The following DRC1 variants were observed in gnomAD, a reference collection of about 807,000 sequenced individuals.
DRC1 encodes the protein dynein regulatory complex subunit 1, also known as dynein regulatory complex protein 1.
DRC1 carries 74 observed loss-of-function variants against 98.7 expected under a neutral mutation model. That is an observed-to-expected ratio of 0.75 (90% CI 0.62 to 0.91). DRC1 has a LOEUF of 0.91. Ranked by LOEUF, DRC1 falls within the 40% of genes least tolerant of loss-of-function variation. The pLI is 0.00. For synonymous variants in DRC1, 336 were observed against 334.1 expected, an observed-to-expected ratio of 1.01 and a Z score of -0.06; for missense variants, 875 against 886.0, an observed-to-expected ratio of 0.99 and a Z score of 0.16.
rs770767721 is a variant in DRC1, at chr2:26,453,551, T to A, written c.1919+2T>A. 1 of 1,612,400 alleles carries A rather than the reference T, an allele frequency of 6.2e-7. No homozygotes were observed. The highest frequency in any genetic ancestry group is 2.2e-5 in the East Asian group (1 of 44,862). The stretch of plus-strand genomic sequence containing the variant: ...CGTCATGGGTCTGAAGAAGCCTAGG[T>A]GGGCTGCGGGGCTGGAAGGCTTGCC... On this transcript the variant is annotated splice_donor_variant, in intron 14 of 16. Transcript: ENST00000288710. LOFTEE classifies it high-confidence loss of function.
chr2:26,440,068 A>G (rs1663677392), intron 7 of DRC1, among the ~76,000 whole-genome samples: 1 of 150,602 alleles, frequency 6.6e-6, no homozygotes, highest in Non-Finnish European at 1.5e-5. Context: ...AATGTAGGAA[A>G]GTTTCTTTTT....
chr2:26,436,962 T>C (rs957871297), intron 7 of DRC1, among the ~76,000 whole-genome samples: 4 of 152,170 alleles, frequency 2.6e-5, no homozygotes, highest in Non-Finnish European at 4.4e-5. Context: ...TGCTCATACG[T>C]TCTCAGATGG....
chr2:26,418,595 T>TA (rs1678908471), intron 2 of DRC1, among the ~76,000 whole-genome samples: 2 of 100,028 alleles, frequency 2.0e-5, no homozygotes, highest in African/African-American at 9.7e-5. Context: ...TTATATATAA[T>TA]TTATATAATA....
intron 7 of DRC1, among the ~76,000 whole-genome samples, chr2:26,435,927 A>G (rs1663559403): frequency 6.6e-6 from 1 of 152,158 alleles, no homozygotes; most frequent in Non-Finnish European, 1.5e-5. Context: ...ATATGCATGC[A>G]TGTGTCTTTG....
chr2:26,403,596 A>C (rs1678321665), intron 1 of DRC1, among the ~76,000 whole-genome samples: 1 of 152,058 alleles, frequency 6.6e-6, no homozygotes, highest in Non-Finnish European at 1.5e-5. Flanking sequence ...GGAGTTCAAG[A>C]CCAGCCTGGC....
In DRC1 at chr2:26,453,308, A is replaced by G; in HGVS notation, c.1690-12A>G. ...GTCCCCAGCCCACAGTTGTCCGTGC[A>G]TCTTTCTCCAGATCAAGCCCTGCAG... is the stretch of plus-strand genomic sequence containing the variant. On this transcript the variant is annotated splice_polypyrimidine_tract_variant and intron_variant, in intron 13 of 16. Coordinates refer to ENST00000288710, the MANE Select transcript of DRC1 (RefSeq NM_145038.5). 1 of 1,614,038 alleles carries G rather than the reference A, an allele frequency of 6.2e-7. No individual in the cohort carries two copies. The highest frequency in any genetic ancestry group is 8.5e-7 in the Non-Finnish European group (1 of 1,179,986).
In DRC1 at chr2:26,431,984, T is replaced by C. The variant is rs948289393; in HGVS notation, c.866T>C (p.Ile289Thr). ...TGCGAAGAATACAACATGATCAAGA[T>C]CAAGCTGGAGCAGGATGTGCAGGTG... is the stretch of plus-strand genomic sequence containing the variant. ...WDCEEYNMIKIKLEQDVQILE... is the reference protein window; with the variant it reads ...WDCEEYNMIKTKLEQDVQILE... Residue 289 changes from isoleucine to threonine, a missense_variant, in exon 7 of 17, where the codon ATC (isoleucine) becomes ACC (threonine). Coordinates refer to ENST00000288710, the MANE Select transcript of DRC1 (RefSeq NM_145038.5). 9.3e-6 allele frequency: 15 copies of C among 1,613,998 alleles called. No individual in the cohort carries two copies. Among genetic ancestry groups the C allele is most frequent in the Admixed American group, 5.0e-5 (3 of 59,990 alleles).
At position 26,415,579 on chromosome 2, in the gene DRC1, C is replaced by T. The variant is rs552045774; in HGVS notation, c.243+1148C>T. Among the ~76,000 whole-genome samples, 6 of 152,282 alleles carry T rather than the reference C, an allele frequency of 3.9e-5. No homozygotes were observed. In the East Asian group the frequency reaches 1.2e-3, roughly 29 times the overall value. ...GTGGGTTTTTGTTCCTGATCTCTTA[C>T]CTACTGCAGAGTAGATGATTCATGT... On this transcript the variant is annotated intron_variant, in intron 2 of 16. Transcript: ENST00000288710.
rs373951532 is a variant in DRC1 at position 26,455,242 on chromosome 2, C to T, written c.2166+9C>T. On this transcript the variant is annotated intron_variant, in intron 16 of 16. Coordinates refer to ENST00000288710, the MANE Select transcript of DRC1 (RefSeq NM_145038.5). ...AGTATCTGAACTCCAAGGTGGGCGG[C>T]GGGGCCTTCCAAGGAGGGGCAGCGG... 246 of 1,608,746 alleles carry T rather than the reference C, an allele frequency of 1.5e-4. No homozygotes were observed. The highest frequency in any genetic ancestry group is 3.8e-4 in the Middle Eastern group (2 of 5,282).
In DRC1 at chr2:26,453,420, A is replaced by C. The variant is rs747479532; in HGVS notation, c.1790A>C (p.Glu597Ala). 6.2e-7 allele frequency: 1 copy of C among 1,614,110 alleles called. No homozygotes were observed. The highest frequency in any genetic ancestry group is 1.7e-5 in the Admixed American group (1 of 59,994). ...ELAEQTEMEG[E>A]KEESLVEGEK... ...GCAGAGCAGACGGAGATGGAGGGAG[A>C]AAAGGAAGAAAGCCTGGTGGAAGGG... Residue 597 changes from glutamate to alanine, a missense_variant, in exon 14 of 17, where the codon GAA (glutamate) becomes GCA (alanine). Physicochemically the swap from Glu to Ala is moderately radical, Grantham distance 107. Transcript: ENST00000288710.
intron 4 of DRC1, among the ~76,000 whole-genome samples, chr2:26,429,114 C>T (rs1373762565): frequency 6.6e-6 from 1 of 152,034 alleles, no homozygotes; most frequent in Non-Finnish European, 1.5e-5. Context: ...AGAGTCCATT[C>T]CACTCCATCT....
chr2:26,420,443 A>C (rs369798647), intron 2 of DRC1, among the ~76,000 whole-genome samples: 2 of 152,098 alleles, frequency 1.3e-5, no homozygotes, highest in African/African-American at 2.4e-5. Flanking sequence ...CACCTCCCCA[A>C]CTGAGGTTCT....
chr2:26,449,971 G>T, intron 11 of DRC1, 25 bp from the exon 12 acceptor site: 1 of 1,610,674 alleles, frequency 6.2e-7, no homozygotes. Flanking sequence ...TCCCCGACAG[G>T]AGATGCCTTC....
At chr2:26,413,497 A>G (rs1411291563) in intron 1 of DRC1, among the ~76,000 whole-genome samples, 1 of 152,216 alleles carries the variant, frequency 6.6e-6, no homozygotes, top group Non-Finnish European at 1.5e-5. Context: ...CCCACCTGAT[A>G]CTGTCAACCC....
rs1214850546 is a variant in DRC1, at chr2:26,444,900, C to T, written c.1348C>T (p.Pro450Ser). 6.2e-7 allele frequency: 1 copy of T among 1,614,164 alleles called. No individual in the cohort carries two copies. The highest frequency in any genetic ancestry group is 8.5e-7 in the Non-Finnish European group (1 of 1,180,036). ...CAATGTTGGGCCTATTTCTCAGCAGCCCCAGAAGTCCGCCACACAGATAGT... is the reference window on the plus strand; with the variant it reads ...CAATGTTGGGCCTATTTCTCAGCAGTCCCAGAAGTCCGCCACACAGATAGT... Reference protein sequence around the residue: ...LNNVGPISQQPQKSATQIVEE... With the variant: ...LNNVGPISQQSQKSATQIVEE... The change falls in exon 10 of 17, where the codon CCC (proline) becomes TCC (serine). Residue 450 changes from proline to serine, a missense_variant. Coordinates refer to ENST00000288710, the MANE Select transcript of DRC1 (RefSeq NM_145038.5).
rs60317791 is a variant in DRC1, at chr2:26,439,922, AATAT to A, written c.889-444_889-441del. On this transcript the variant is annotated intron_variant, in intron 7 of 16. Transcript: ENST00000288710. Reference sequence around the variant, plus strand: ...ACAAGCTAGGGCCAACTAGTGTGTGAATATATATATATATACACACACACATACA... The same window carrying A: ...ACAAGCTAGGGCCAACTAGTGTGTGAATATATATATACACACACACATACA... Among the ~76,000 whole-genome samples the A allele has an allele frequency of 1.6e-4, 7 of 43,454 alleles. 1 individual carries two copies. In the South Asian group the frequency reaches 2.9e-3, roughly 18 times the overall value. 28.5% of individuals were successfully genotyped at this position (43,454 alleles called of 152,430 possible).
At position 26,449,199 on chromosome 2, in the gene DRC1, G is replaced by T. The variant is rs1213299743; in HGVS notation, c.1509+396G>T. ...GGGGCTTGTTTTGGGGGTGACTCTG[G>T]CTATGTTGGGATTTGGATGTCTGCA... On this transcript the variant is annotated intron_variant, in intron 11 of 16. Coordinates refer to ENST00000288710, the MANE Select transcript of DRC1 (RefSeq NM_145038.5). 2.6e-5 allele frequency among the ~76,000 whole-genome samples: 4 copies of T among 152,378 alleles called. No homozygotes were observed. The Middle Eastern group carries it at 0.01, about 389-fold the overall frequency.
chr2:26,455,177 C>T lies in DRC1; in HGVS notation c.2110C>T (p.Leu704=). The change falls in exon 16 of 17, where the codon CTG becomes TTG. Residue 704 remains leucine (L), a synonymous_variant. Coordinates refer to ENST00000288710, the MANE Select transcript of DRC1 (RefSeq NM_145038.5). ...CAAGCTGCTGCTGGAAAACAGTTCT[C>T]TGGAGCAGCAGAACACAGAGCTGCA... The part of the protein sequence containing the change: ...RAKLLLENSS[L]EQQNTELQAL... The T allele has an allele frequency of 1.2e-6, 2 of 1,614,126 alleles. No individual in the cohort carries two copies. The highest frequency in any genetic ancestry group is 1.7e-4 in the Middle Eastern group (1 of 6,054).
At chr2:26,450,928 T>A (rs1415107392) in intron 13 of DRC1, among the ~76,000 whole-genome samples, 1 of 151,370 alleles carries the variant, frequency 6.6e-6, no homozygotes, top group Admixed American at 6.6e-5. Context: ...CCTCCCTGTG[T>A]CCATGTGTTC....
Sources: allele counts gnomAD v4.1 joint callset (sites outside exome capture counted in the v4.1 genomes callset), GRCh38; gene constraint gnomAD v4.1.1; transcripts MANE v1.5; gene names NCBI Gene and HGNC (gene_info 2026-07-23, HGNC 2026-07-21).